GABBR2: variants seen among roughly 807,000 people sequenced by gnomAD.
GABBR2 encodes the protein gamma-aminobutyric acid type B receptor subunit 2, also known as G-protein coupled receptor 51.
Under a neutral mutation model 105.6 loss-of-function variants are expected in GABBR2, and 23 were observed. The ratio of observed to expected loss-of-function variants is 0.22; its 90% CI spans 0.16 to 0.31. The LOEUF (loss-of-function observed/expected upper bound fraction) is 0.31. Among genes scored for constraint, GABBR2 ranks in the 10% least tolerant of loss-of-function variants. The pLI, the probability that GABBR2 is intolerant of heterozygous loss-of-function variation, is 1.00. For synonymous variants in GABBR2, 478 were observed against 499.7 expected, an observed-to-expected ratio of 0.96 and a Z score of 0.58; for missense variants, 734 against 1,245.5, an observed-to-expected ratio of 0.59 and a Z score of 6.18.
At chr9:98,614,864 T>C (rs979202907) in intron 1 of GABBR2, among the ~76,000 whole-genome samples, 8 of 152,172 alleles carry the variant, frequency 5.3e-5, no homozygotes, top group Non-Finnish European at 1.0e-4. Context: ...TAAACTCAAT[T>C]CATCCAGGAG....
intron 3 of GABBR2, among the ~76,000 whole-genome samples, chr9:98,541,147 T>A: frequency 6.6e-6 from 1 of 152,148 alleles, no homozygotes. Flanking sequence ...CTTTAAACCA[T>A]GAGGTTAATC....
intron 3 of GABBR2, among the ~76,000 whole-genome samples, chr9:98,514,128 A>G (rs1302195746): frequency 7.4e-6 from 1 of 135,346 alleles, no homozygotes; most frequent in Non-Finnish European, 1.7e-5. Flanking sequence ...ATTGGAAATC[A>G]TCATTCTCAG....
At chr9:98,318,937 G>A (rs1165752766) in intron 13 of GABBR2, among the ~76,000 whole-genome samples, 2 of 149,820 alleles carry the variant, frequency 1.3e-5, no homozygotes, top group South Asian at 4.2e-4. Flanking sequence ...TGTGTGTGTG[G>A]TGTGTGTGTA....
intron 2 of GABBR2, among the ~76,000 whole-genome samples, chr9:98,556,532 T>C (rs956960200): frequency 6.6e-6 from 1 of 151,890 alleles, no homozygotes; most frequent in Non-Finnish European, 1.5e-5. Flanking sequence ...TTTTATTCCA[T>C]GGGGCAGGGG....
intron 7 of GABBR2, among the ~76,000 whole-genome samples, chr9:98,441,057 C>T (rs1375270307): frequency 6.6e-6 from 1 of 152,112 alleles, no homozygotes; most frequent in Non-Finnish European, 1.5e-5. Flanking sequence ...TTTAATTGTA[C>T]TATTTACTTT....
intron 1 of GABBR2, among the ~76,000 whole-genome samples, chr9:98,597,504 A>T (rs1829255564): frequency 6.6e-6 from 1 of 152,234 alleles, no homozygotes; most frequent in Admixed American, 6.5e-5. Context: ...AGTTGGAAAC[A>T]GAAGCTCAAA....
intron 4 of GABBR2, chr9:98,495,824 C>T (rs1229637792): frequency 6.5e-6 from 1 of 152,946 alleles, no homozygotes; most frequent in Non-Finnish European, 1.5e-5. Context: ...AGGTCTCTGT[C>T]TTCTTCACCA....
chr9:98,446,644 G>T (rs1209040379), intron 7 of GABBR2, among the ~76,000 whole-genome samples: 1 of 152,136 alleles, frequency 6.6e-6, no homozygotes, highest in East Asian at 1.9e-4. Flanking sequence ...ACCTGGGTCT[G>T]GGATGTGCTG....
intron 11 of GABBR2, among the ~76,000 whole-genome samples, chr9:98,384,820 A>AT (rs1400986924): frequency 9.9e-4 from 151 of 152,322 alleles, no homozygotes; most frequent in African/African-American, 3.2e-3. Context: ...CGTATAAACC[A>AT]TAGATATATA....
At chr9:98,559,955 A>C (rs1828642143) in intron 2 of GABBR2, among the ~76,000 whole-genome samples, 1 of 151,350 alleles carries the variant, frequency 6.6e-6, no homozygotes, top group Non-Finnish European at 1.5e-5. Flanking sequence ...CCTTTGCATA[A>C]AAAGAAGAAA....
chr9:98,414,769 T>C (rs566382200), intron 7 of GABBR2, among the ~76,000 whole-genome samples: 8 of 152,260 alleles, frequency 5.3e-5, no homozygotes, highest in African/African-American at 1.9e-4. Context: ...AGGGACATGG[T>C]ACTCCAGGCC....
chr9:98,674,017 T>C (rs529501003), intron 1 of GABBR2, among the ~76,000 whole-genome samples: 1 of 152,222 alleles, frequency 6.6e-6, no homozygotes, highest in African/African-American at 2.4e-5. Flanking sequence ...TTTATAAACT[T>C]TGCTTAACAG....
chr9:98,349,349 GTTT>G (rs1182072320), intron 13 of GABBR2, among the ~76,000 whole-genome samples: 356 of 23,756 alleles, frequency 0.015, no homozygotes, highest in Middle Eastern at 0.024. Flanking sequence ...TTGAAGTTTT[GTTT>G]TTTTTTTTTT....
chr9:98,612,991 C>T (rs1829527508), intron 1 of GABBR2, among the ~76,000 whole-genome samples: 1 of 152,254 alleles, frequency 6.6e-6, no homozygotes, highest in South Asian at 2.1e-4. Context: ...GTTCTACCAA[C>T]TGCTACCTGC....
At chr9:98,462,318 T>C (rs1337502457) in intron 6 of GABBR2, among the ~76,000 whole-genome samples, 2 of 152,166 alleles carry the variant, frequency 1.3e-5, no homozygotes, top group African/African-American at 4.8e-5. Flanking sequence ...TACATTAAGA[T>C]TAGGAATATC....
In GABBR2 at chr9:98,388,619, CTGTGTGTGTGTGTGTGTGTG is replaced by C. The variant is rs113747643; in HGVS notation, c.1529+215_1529+234del. Among the ~76,000 whole-genome samples, 4 of 144,468 alleles carry C rather than the reference CTGTGTGTGTGTGTGTGTGTG, an allele frequency of 2.8e-5. No homozygotes were observed. The highest frequency in any genetic ancestry group is 4.7e-4 in the South Asian group (2 of 4,292). The allele number at this position is 144,468 out of a possible 152,430, so 94.8% of individuals were successfully genotyped here. On this transcript the variant is annotated intron_variant, in intron 10 of 18. Transcript: ENST00000259455. The surrounding 1 kb of genome is among the most constrained non-coding windows in gnomAD (Gnocchi z 4.4). Reference sequence around the variant, plus strand: ...TCCTGTGCAACCAGCAGCCTGGCCTCTGTGTGTGTGTGTGTGTGTGTGTGTGTGTGTGTGTGTGTGTGCGT... The same window carrying C: ...TCCTGTGCAACCAGCAGCCTGGCCTCTGTGTGTGTGTGTGTGTGTGTGCGT...
chr9:98,406,575 C>T (rs1439126354), intron 7 of GABBR2, among the ~76,000 whole-genome samples: 2 of 152,220 alleles, frequency 1.3e-5, no homozygotes, highest in Non-Finnish European at 2.9e-5. Flanking sequence ...TGCTTGGCTT[C>T]AGGACCAGAA....
Position 98,542,148 on chromosome 9 carries a change from A to T in GABBR2, c.460-105T>A. 2.4e-5 allele frequency: 21 copies of T among 868,864 alleles called. 1 individual carries two copies. In the South Asian group the frequency reaches 3.5e-4, roughly 14 times the overall value. The allele number at this position is 868,864 out of a possible 1,614,324, so 53.8% of individuals were successfully genotyped here. On this transcript the variant is annotated intron_variant, in intron 2 of 18. Coordinates refer to ENST00000259455, the MANE Select transcript of GABBR2 (RefSeq NM_005458.8). ...GACTGTTAGCTTCAACTTAGAGCAT[A>T]AACACACAGGGACAGATATTTTTAA...
rs1013668350 is a variant in GABBR2, at chr9:98,306,616, C to A, written c.2005-271G>T. 11 of 503,246 alleles carry A rather than the reference C, an allele frequency of 2.2e-5. No homozygotes were observed. Among genetic ancestry groups the A allele is most frequent in the African/African-American group, 3.9e-5 (2 of 51,850 alleles). The allele number at this position is 503,246 out of a possible 1,614,324, so 31.2% of individuals were successfully genotyped here. On this transcript the variant is annotated intron_variant, in intron 14 of 18. Coordinates refer to ENST00000259455, the MANE Select transcript of GABBR2 (RefSeq NM_005458.8). This position sits in a 1 kb window ranked among gnomAD's most constrained non-coding sequence, Gnocchi z 5.4. ...TGACTGGTTCATGCACAGACCTGCCCAAGGCTACAGTGGAAGGGAACTTCA... is the reference window on the plus strand; with the variant it reads ...TGACTGGTTCATGCACAGACCTGCCAAAGGCTACAGTGGAAGGGAACTTCA...
Sources: allele counts gnomAD v4.1 joint callset (sites outside exome capture counted in the v4.1 genomes callset), GRCh38; gene constraint gnomAD v4.1.1; non-coding constraint Gnocchi (gnomAD v3.1); transcripts MANE v1.5; gene names NCBI Gene and HGNC (gene_info 2026-07-23, HGNC 2026-07-21).